The following SEC16A variants were observed in gnomAD, a reference collection of about 807,000 sequenced individuals.
SEC16A encodes the protein protein transport protein Sec16A.
In SEC16A, 110 loss-of-function variants were observed where a neutral mutation model predicts 221.9. The observed-to-expected ratio is 0.50, with a 90% confidence interval of 0.42 to 0.58. The LOEUF (loss-of-function observed/expected upper bound fraction) is 0.58. Ranked by LOEUF, SEC16A falls within the 20% of genes least tolerant of loss-of-function variation. SEC16A has a pLI of 0.00. For synonymous variants in SEC16A, 1,393 were observed against 1,257.7 expected, an observed-to-expected ratio of 1.11 and a Z score of -2.28; for missense variants, 3,165 against 3,097.8, an observed-to-expected ratio of 1.02 and a Z score of -0.52.
At chr9:136,484,208 C>G (rs940313684), upstream of SEC16A, 7 of 313,114 alleles carry the variant, frequency 2.2e-5, no homozygotes, top group African/African-American at 1.6e-4. Flanking sequence ...CCCACAGGGG[C>G]GCTGGGGTCC....
chr9:136,443,893 C>T lies in SEC16A; in HGVS notation c.6935G>A (p.Gly2312Asp). ...EVSQHFNQAP[G>D]DLPAAGGPPS... The stretch of plus-strand genomic sequence containing the variant: ...AGGGCCCCCTGCAGCAGGGAGGTCG[C>T]CAGGAGCCTGAGAAGCACAGAGAAG... Residue 2312 changes from glycine to aspartate, a missense_variant, in exon 31 of 32, where the codon GGC becomes GAC. Gly to Asp is a moderately conservative substitution (Grantham distance 94, BLOSUM62 -1). Around this residue, in one of 3 missense-constraint regions of SEC16A, gnomAD observed 1,088 missense variants for 1,089.6 expected, o/e 1.00. Coordinates refer to ENST00000684901, the MANE Select transcript of SEC16A (RefSeq NM_014866.2). The T allele has an allele frequency of 6.2e-7, 1 of 1,609,308 alleles. No individual in the cohort carries two copies. The highest frequency in any genetic ancestry group is 8.5e-7 in the Non-Finnish European group (1 of 1,178,112).
chr9:136,444,131 G>A (rs1450119974), intron 30 of SEC16A: 2 of 416,146 alleles, frequency 4.8e-6, no homozygotes, highest in Non-Finnish European at 8.7e-6. Flanking sequence ...ACCGGAACAT[G>A]CAATGGGAAG....
chr9:136,448,237 C>T (rs185539941), intron 23 of SEC16A, 76 bp from the exon 24 acceptor site: 52 of 1,244,284 alleles, frequency 4.2e-5, no homozygotes, highest in Non-Finnish European at 5.1e-5. Flanking sequence ...AAGACAAATT[C>T]TACATGACCC....
Position 136,444,936 on chromosome 9 carries a change from G to GAGACAAC in SEC16A, c.6927+109_6927+115dup, listed in dbSNP as rs1314361382. On this transcript the variant is annotated intron_variant, in intron 30 of 31. Coordinates refer to ENST00000684901, the MANE Select transcript of SEC16A (RefSeq NM_014866.2). Reference sequence around the variant, plus strand: ...TACCCTTGGTCACGTGACGCTGAGGGAGACAACGGGCGAGGTTAGTGGCAA... The same window carrying GAGACAAC: ...TACCCTTGGTCACGTGACGCTGAGGGAGACAACAGACAACGGGCGAGGTTAGTGGCAA... The GAGACAAC allele has an allele frequency of 4.2e-5, 32 of 770,868 alleles. No homozygotes were observed. In the East Asian group the frequency reaches 8.4e-4, roughly 20 times the overall value. The allele number at this position is 770,868 out of a possible 1,614,324, so 47.8% of individuals were successfully genotyped here.
rs4073457 is a variant in SEC16A, at chr9:136,443,704, T to C, written c.7005+119A>G. 1.5e-3 allele frequency: 1,031 copies of C among 697,050 alleles called. 12 individuals carry two copies. The African/African-American group carries it at 0.016, about 11-fold the overall frequency. The allele number at this position is 697,050 out of a possible 1,614,324, so 43.2% of individuals were successfully genotyped here. A position where few individuals can be genotyped will look rare whatever the true frequency, so the allele number is the denominator to read the frequency against. ...CCCTGTCTCAATAAATAAATAAATA[T>C]ATTTTTTAAAAAGAAAGAAAAAGAG... is the stretch of plus-strand genomic sequence containing the variant. On this transcript the variant is annotated intron_variant, in intron 31 of 31. Transcript: ENST00000684901.
In SEC16A at chr9:136,447,695, A is replaced by G. The variant is rs1396798888; in HGVS notation, c.6448-15T>C. The G allele has an allele frequency of 3.1e-6, 5 of 1,593,722 alleles. No homozygotes were observed. The highest frequency in any genetic ancestry group is 1.7e-4 in the Middle Eastern group (1 of 6,012). ...GGGGCTTTCTTCTGCAGAGGGAAAC[A>G]CAGCTTCAGACACCCACTGTGTGCA... On this transcript the variant is annotated splice_polypyrimidine_tract_variant and intron_variant, in intron 25 of 31. Coordinates refer to ENST00000684901, the MANE Select transcript of SEC16A (RefSeq NM_014866.2). The surrounding 1 kb of genome is among the most constrained non-coding windows in gnomAD (Gnocchi z 5.5).
chr9:136,484,525 A>C, upstream of SEC16A: 1 of 1,277,466 alleles, frequency 7.8e-7, no homozygotes, highest in Non-Finnish European at 1.0e-6. Context: ...TGCTCCTTCC[A>C]GAGGGCAGGC....
chr9:136,475,682 C>T lies in SEC16A; in HGVS notation c.1934G>A (p.Cys645Tyr), dbSNP rs916322373. The change falls in exon 3 of 32, where the codon TGC becomes TAC. Residue 645 changes from cysteine (C) to tyrosine (Y), a missense_variant. Cys to Tyr is a radical substitution (Grantham distance 194). Coordinates refer to ENST00000684901, the MANE Select transcript of SEC16A (RefSeq NM_014866.2). The surrounding 1 kb of genome is among the most constrained non-coding windows in gnomAD (Gnocchi z 5.0). ...ATCGGGCAGGGCGGCAGCTGGTCTGCACTGCTTCTGGCGGACACAGGTCTC... is the reference window on the plus strand; with the variant it reads ...ATCGGGCAGGGCGGCAGCTGGTCTGTACTGCTTCTGGCGGACACAGGTCTC... ...VRETCVRQKQ[C>Y]RPAAALPDAS... The T allele has an allele frequency of 1.2e-6, 2 of 1,613,752 alleles. No homozygotes were observed. Among genetic ancestry groups the T allele is most frequent in the Admixed American group, 3.3e-5 (2 of 59,998 alleles).
intron 31 of SEC16A, among the ~76,000 whole-genome samples, chr9:136,442,424 C>G (rs887984601): frequency 2.0e-5 from 3 of 152,216 alleles, no homozygotes; most frequent in African/African-American, 7.2e-5. Context: ...AGTGCTGGGC[C>G]CCAGCCCAGG....
At chr9:136,445,422 A>G (rs908676928) in intron 29 of SEC16A, among the ~76,000 whole-genome samples, 5 of 152,352 alleles carry the variant, frequency 3.3e-5, no homozygotes, top group East Asian at 1.9e-4. Flanking sequence ...ACCGGGACTG[A>G]GGCGACAACT....
Position 136,475,832 on chromosome 9 carries a change from C to G in SEC16A, c.1784G>C (p.Ser595Thr), listed in dbSNP as rs766202220. Residue 595 changes from serine to threonine, a missense_variant, in exon 3 of 32, where the codon AGC (serine) becomes ACC (threonine). Ser to Thr is a moderately conservative substitution (Grantham distance 58). Coordinates refer to ENST00000684901, the MANE Select transcript of SEC16A (RefSeq NM_014866.2). The surrounding 1 kb of genome is among the most constrained non-coding windows in gnomAD (Gnocchi z 5.0). The part of the protein sequence containing the change: ...RGSVSQPSTP[S>T]PPKPTGIFQT... ...AAATATTCCTGTAGGTTTCGGGGGG[C>G]TCGGGGTTGAGGGCTGGGACACGCT... 3.8e-6 allele frequency: 6 copies of G among 1,583,174 alleles called. No homozygotes were observed. The highest frequency in any genetic ancestry group is 1.3e-5 in the African/African-American group (1 of 74,356).
intron 28 of SEC16A, among the ~76,000 whole-genome samples, chr9:136,446,082 G>A (rs1053513326): frequency 6.6e-6 from 1 of 151,116 alleles, no homozygotes; most frequent in Non-Finnish European, 1.5e-5. Context: ...CTGTCCCACC[G>A]TACAGAGTGC....
chr9:136,463,468 T>C lies in SEC16A; in HGVS notation c.4642A>G (p.Asn1548Asp). Residue 1548 changes from asparagine (N) to aspartate (D), a missense_variant, in exon 11 of 32, where the codon AAT (asparagine) becomes GAT (aspartate). This residue lies in a region of SEC16A where 1,088 missense variants were observed against 1,089.6 expected (regional missense o/e 1.00). Coordinates refer to ENST00000684901, the MANE Select transcript of SEC16A (RefSeq NM_014866.2). ...WNFIVLLCRQNGTVVGTDIAE... is the reference protein window; with the variant it reads ...WNFIVLLCRQDGTVVGTDIAE... ...AGAAGTAGAAAGAAACATACCCCAT[T>C]TTGTCTGCATAAGAGAACAATAAAA... The C allele has an allele frequency of 3.1e-6, 5 of 1,613,082 alleles. No individual in the cohort carries two copies. Among genetic ancestry groups the C allele is most frequent in the Non-Finnish European group, 4.2e-6 (5 of 1,179,540 alleles).
At chr9:136,452,702 G>C (rs1838006068) in intron 22 of SEC16A, among the ~76,000 whole-genome samples, 2 of 149,260 alleles carry the variant, frequency 1.3e-5, no homozygotes, top group East Asian at 2.0e-4. Flanking sequence ...GGGAGGCGGA[G>C]GTTGCAGTGG....
chr9:136,473,325 G>C (rs891838948), intron 3 of SEC16A, among the ~76,000 whole-genome samples: 1 of 152,260 alleles, frequency 6.6e-6, no homozygotes, highest in Admixed American at 6.5e-5. Context: ...CCCAATCGGT[G>C]TATGTTGAAC....
chr9:136,463,357 T>C (rs984525008), intron 11 of SEC16A, 106 bp downstream of exon 11: 42 of 1,451,094 alleles, frequency 2.9e-5, no homozygotes, highest in African/African-American at 1.1e-4. Flanking sequence ...GAGGCTCCCA[T>C]AGCTGGCCAC....
Position 136,441,587 on chromosome 9 carries a change from A to T in SEC16A, c.*168T>A. ...GAAAGGATGGTGGAATTAATTTTCAAAATAATTCATTACGATGGGCGGTGA... is the reference window on the plus strand; with the variant it reads ...GAAAGGATGGTGGAATTAATTTTCATAATAATTCATTACGATGGGCGGTGA... On this transcript the variant is annotated 3_prime_UTR_variant, in exon 32 of 32. Transcript: ENST00000684901. 1.7e-6 allele frequency: 1 copy of T among 594,442 alleles called. No homozygotes were observed. The highest frequency in any genetic ancestry group is 2.0e-5 in the South Asian group (1 of 49,624). 36.8% of individuals were successfully genotyped at this position (594,442 alleles called of 1,614,324 possible).
upstream of SEC16A, chr9:136,483,685 G>A: frequency 2.0e-6 from 2 of 985,564 alleles, no homozygotes; most frequent in Non-Finnish European, 2.4e-6. Flanking sequence ...ACCGATGCCA[G>A]CAGGCTCACG....
chr9:136,444,954 A>G (rs1306542147), intron 30 of SEC16A, 98 bp downstream of exon 30: 93 of 919,298 alleles, frequency 1.0e-4, no homozygotes, highest in Non-Finnish European at 1.4e-4. Flanking sequence ...GGGCGAGGTT[A>G]GTGGCAAAGC....
Sources: allele counts gnomAD v4.1 joint callset (sites outside exome capture counted in the v4.1 genomes callset), GRCh38; gene constraint gnomAD v4.1.1; regional missense constraint gnomAD v4.1.1; non-coding constraint Gnocchi (gnomAD v3.1); transcripts MANE v1.5; gene names NCBI Gene and HGNC (gene_info 2026-07-23, HGNC 2026-07-21).